Variants in WASHC4 observed in about 807,000 individuals in gnomAD.
WASHC4 encodes WASH complex subunit 4.
WASHC4 carries 86 observed loss-of-function variants against 166.6 expected under a neutral mutation model. That is an observed-to-expected ratio of 0.52 (90% CI 0.43 to 0.62). WASHC4 has a LOEUF of 0.62. WASHC4 is among the 20% of genes least tolerant of loss of function. The pLI is 0.00. For missense variants in WASHC4, 1,262 were observed against 1,382.4 expected (o/e 0.91, Z 1.38); for synonymous variants, 446 against 451.6 (o/e 0.99, Z 0.16).
intron 3 of WASHC4, 38 bp downstream of exon 3, chr12:105,114,307 G>C: frequency 6.3e-7 from 1 of 1,598,598 alleles, no homozygotes; most frequent in Non-Finnish European, 8.6e-7. Flanking sequence ...TTTTAAAAAT[G>C]TTTTAGTTAT....
chr12:105,152,573 A>G lies in WASHC4; in HGVS notation c.2758+122A>G. 5 of 695,278 alleles carry G rather than the reference A, an allele frequency of 7.2e-6. No homozygotes were observed. In the South Asian group the frequency reaches 8.0e-5, roughly 11 times the overall value. 43.1% of individuals were successfully genotyped at this position (695,278 alleles called of 1,614,324 possible). A position where few individuals can be genotyped will look rare whatever the true frequency, so the allele number is the denominator to read the frequency against. ...GCCTGAGCTCAGCTTTACTCCACTC[A>G]TGTAATTTTTTTACCCCCAAAATTT... On this transcript the variant is annotated intron_variant, in intron 26 of 32. Transcript: ENST00000332180.
chr12:105,109,706 GCAT>G (rs1879473297), intron 1 of WASHC4, among the ~76,000 whole-genome samples: 1 of 145,588 alleles, frequency 6.9e-6, no homozygotes, highest in Non-Finnish European at 1.5e-5. Context: ...CAGTGCCGTG[GCAT>G]CGCCACGGCT....
chr12:105,146,387 T>A, intron 22 of WASHC4, 65 bp from the exon 23 acceptor site: 3 of 955,796 alleles, frequency 3.1e-6, no homozygotes, highest in Non-Finnish European at 5.1e-6. Flanking sequence ...GTCATTATGC[T>A]GATACAAGTT....
chr12:105,130,611 A>C (rs1167743061), intron 13 of WASHC4, among the ~76,000 whole-genome samples: 1 of 152,116 alleles, frequency 6.6e-6, no homozygotes, highest in Non-Finnish European at 1.5e-5. Flanking sequence ...CATTTTAGAG[A>C]AAGTTGAGGG....
At chr12:105,108,955 C>T (rs1456697165) in intron 1 of WASHC4, among the ~76,000 whole-genome samples, 1 of 152,188 alleles carries the variant, frequency 6.6e-6, no homozygotes, top group African/African-American at 2.4e-5. Context: ...GCCTGGCTAA[C>T]ATGGTGAAAC....
At chr12:105,140,800 C>T (rs1451019984) in intron 16 of WASHC4, 99 bp from the exon 17 acceptor site, 4 of 1,202,134 alleles carry the variant, frequency 3.3e-6, no homozygotes, top group Non-Finnish European at 4.8e-6. Flanking sequence ...TGTGTATGCT[C>T]TCTTAAATTG....
At chr12:105,130,760 T>C (rs1881725873) in intron 13 of WASHC4, among the ~76,000 whole-genome samples, 1 of 152,224 alleles carries the variant, frequency 6.6e-6, no homozygotes, top group Non-Finnish European at 1.5e-5. Flanking sequence ...AGCTGCCTCC[T>C]TGACTGGGGT....
intron 14 of WASHC4, among the ~76,000 whole-genome samples, chr12:105,135,628 T>G (rs1882247673): frequency 6.6e-6 from 1 of 152,078 alleles, no homozygotes. Context: ...TTCTTTACCA[T>G]TAACTCTTCG....
intron 10 of WASHC4, 47 bp downstream of exon 10, chr12:105,122,285 G>T: frequency 6.3e-7 from 1 of 1,589,622 alleles, no homozygotes; most frequent in Non-Finnish European, 8.6e-7. Flanking sequence ...CATATTAGAC[G>T]ACAAAGCTCA....
At chr12:105,151,259 C>T (rs936999025) in intron 25 of WASHC4, among the ~76,000 whole-genome samples, 4 of 151,672 alleles carry the variant, frequency 2.6e-5, no homozygotes, top group Non-Finnish European at 5.9e-5. Context: ...TGGCAGCAGG[C>T]GCATGTAGCC....
At chr12:105,153,119 A>G (rs1883896843) in intron 26 of WASHC4, among the ~76,000 whole-genome samples, 1 of 152,232 alleles carries the variant, frequency 6.6e-6, no homozygotes, top group Non-Finnish European at 1.5e-5. Context: ...GACTTAAACC[A>G]GGGTTATTTA....
intron 28 of WASHC4, among the ~76,000 whole-genome samples, chr12:105,158,079 T>A (rs942971178): frequency 5.3e-5 from 8 of 152,094 alleles, no homozygotes; most frequent in African/African-American, 1.9e-4. Flanking sequence ...AAAAAATCAA[T>A]GAGTCATAAT....
chr12:105,121,290 A>G (rs1046767164), intron 9 of WASHC4, 86 bp downstream of exon 9: 3 of 819,512 alleles, frequency 3.7e-6, no homozygotes, highest in African/African-American at 3.4e-5. Context: ...TAAATAATAC[A>G]GATTTTCTAA....
At chr12:105,155,494 T>A (rs1884077650) in intron 26 of WASHC4, among the ~76,000 whole-genome samples, 1 of 46 alleles carries the variant, frequency 0.022, no homozygotes, top group Non-Finnish European at 0.036. Flanking sequence ...AAGATCGATG[T>A]CAGGATTTTG....
At chr12:105,120,984 T>C (rs1177574459) in intron 8 of WASHC4, 117 bp from the exon 9 acceptor site, 2 of 722,590 alleles carry the variant, frequency 2.8e-6, no homozygotes, top group Admixed American at 2.0e-5. Flanking sequence ...ATAAATTGAT[T>C]TACCCACTAC....
At chr12:105,164,951 T>C (rs1454359709) in intron 32 of WASHC4, among the ~76,000 whole-genome samples, 2 of 152,236 alleles carry the variant, frequency 1.3e-5, no homozygotes, top group Non-Finnish European at 2.9e-5. Flanking sequence ...TCACACTTGG[T>C]AACCCTTTAA....
At position 105,132,786 on chromosome 12, in the gene WASHC4, TAGTGTG is replaced by T. The variant is rs1288300746; in HGVS notation, c.1200-983_1200-978del. Among the ~76,000 whole-genome samples the T allele has an allele frequency of 1.2e-3, 99 of 82,508 alleles. 1 individual carries two copies. In the East Asian group the frequency reaches 0.03, roughly 25 times the overall value. 54.1% of individuals were successfully genotyped at this position (82,508 alleles called of 152,430 possible). A position where few individuals can be genotyped will look rare whatever the true frequency, so the allele number is the denominator to read the frequency against. The stretch of plus-strand genomic sequence containing the variant: ...AAGTTAATGTGAGGGGTGAAAGAGG[TAGTGTG>T]TGTGTGTGTGTGTGTGTGTGTGTGT... On this transcript the variant is annotated intron_variant, in intron 13 of 32. Coordinates refer to ENST00000332180, the MANE Select transcript of WASHC4 (RefSeq NM_015275.3).
chr12:105,136,759 A>G (rs1404298223), intron 14 of WASHC4, among the ~76,000 whole-genome samples: 2 of 152,114 alleles, frequency 1.3e-5, no homozygotes, highest in African/African-American at 2.4e-5. Flanking sequence ...CTCTTTCTGC[A>G]TGTATGTGCC....
intron 15 of WASHC4, 118 bp downstream of exon 15, chr12:105,138,129 G>T: frequency 2.1e-6 from 2 of 961,150 alleles, no homozygotes; most frequent in South Asian, 1.9e-5. Context: ...TTGTGAGAAA[G>T]TACTTCTCTC....
Sources: allele counts gnomAD v4.1 joint callset (sites outside exome capture counted in the v4.1 genomes callset), GRCh38; gene constraint gnomAD v4.1.1; transcripts MANE v1.5; gene names NCBI Gene and HGNC (gene_info 2026-07-23, HGNC 2026-07-21).